TRIM67: variants seen among roughly 807,000 people sequenced by gnomAD.
TRIM67 encodes the protein tripartite motif containing 67.
TRIM67 carries 39 observed loss-of-function variants against 71.0 expected under a neutral mutation model. That is an observed-to-expected ratio of 0.55 (90% confidence interval 0.43 to 0.72). The LOEUF is 0.72. Among genes scored for constraint, TRIM67 ranks in the 30% least tolerant of loss-of-function variants. The probability of loss-of-function intolerance (pLI) is 0.00; values close to 1 mark genes in which losing one functional copy is unlikely to be tolerated. For synonymous variants in TRIM67, 481 were observed against 473.9 expected, an observed-to-expected ratio of 1.01 and a Z score of -0.19; for missense variants, 973 against 1,079.2, an observed-to-expected ratio of 0.90 and a Z score of 1.38.
chr1:231,163,814 AGAGCCC>A lies in TRIM67; in HGVS notation c.847_852del (p.Ser283_Pro284del), dbSNP rs1682369535. 1 of 1,501,486 alleles carries A rather than the reference AGAGCCC, an allele frequency of 6.7e-7. No homozygotes were observed. Among genetic ancestry groups the A allele is most frequent in the Non-Finnish European group, 8.9e-7 (1 of 1,121,688 alleles). The allele number at this position is 1,501,486 out of a possible 1,614,324, so 93.0% of individuals were successfully genotyped here. ...GCCCCCAGCGGAGGCGGCGGCTGCAAGAGCCCGGGAGGCGCGGGGGCGGGGGCGACT... is the reference window on the plus strand; with the variant it reads ...GCCCCCAGCGGAGGCGGCGGCTGCAAGGGAGGCGCGGGGGCGGGGGCGACT... On this transcript the variant is annotated inframe_deletion, in exon 1 of 10. Coordinates refer to ENST00000366653, the MANE Select transcript of TRIM67 (RefSeq NM_001004342.5).
rs112977840 is a variant in TRIM67 at position 231,197,182 on chromosome 1, C to T, written c.1045-189C>T. Among the ~76,000 whole-genome samples the T allele has an allele frequency of 1.7e-3, 260 of 152,314 alleles. 1 individual carries two copies. The highest frequency in any genetic ancestry group is 6.0e-3 in the African/African-American group (249 of 41,572). ...AGAAAGGAGAGTGCAGGCCAATCTA[C>T]CACTGTTGGAAAAATAAACAAATGT... On this transcript the variant is annotated intron_variant, in intron 1 of 9. Coordinates refer to ENST00000366653, the MANE Select transcript of TRIM67 (RefSeq NM_001004342.5).
intron 1 of TRIM67, among the ~76,000 whole-genome samples, chr1:231,180,693 G>T (rs1212331055): frequency 6.6e-6 from 1 of 152,184 alleles, no homozygotes; most frequent in African/African-American, 2.4e-5. Flanking sequence ...CCACAACTTA[G>T]AGGTAGGCAA....
chr1:231,202,070 G>GGAGGAGGAGGAGGTGGAA, intron 5 of TRIM67, among the ~76,000 whole-genome samples: 11 of 66,044 alleles, frequency 1.7e-4, no homozygotes, highest in South Asian at 9.0e-4. Context: ...AGGAGATGGA[G>GGAGGAGGAGGAGGTGGAA]GAGGAGGAGG....
At chr1:231,208,887 T>G in intron 7 of TRIM67, 60 bp from the exon 8 acceptor site, 1 of 1,493,990 alleles carries the variant, frequency 6.7e-7, no homozygotes, top group Non-Finnish European at 9.0e-7. Context: ...CTGAGCCGGT[T>G]AGAAACTACT....
chr1:231,207,204 C>T (rs1466096239), intron 7 of TRIM67, among the ~76,000 whole-genome samples: 1 of 152,238 alleles, frequency 6.6e-6, no homozygotes, highest in Non-Finnish European at 1.5e-5. Flanking sequence ...GGAGGCTAAA[C>T]TTCTCCCACT....
rs1390169940 is a variant in TRIM67 at position 231,164,087 on chromosome 1, T to C, written c.1044+74T>C. The C allele has an allele frequency of 3.7e-6, 5 of 1,357,414 alleles. No homozygotes were observed. In the African/African-American group the frequency reaches 7.5e-5, roughly 20 times the overall value. 84.1% of individuals were successfully genotyped at this position (1,357,414 alleles called of 1,614,324 possible). On this transcript the variant is annotated intron_variant, in intron 1 of 9. Coordinates refer to ENST00000366653, the MANE Select transcript of TRIM67 (RefSeq NM_001004342.5). ...GGAGAAAGGCTTTTGGCCTCTCCCT[T>C]GGAGAGCTGACAGAAAGTCGGTCAG...
intron 1 of TRIM67, among the ~76,000 whole-genome samples, chr1:231,187,155 C>T (rs1372187226): frequency 6.6e-6 from 1 of 152,092 alleles, no homozygotes; most frequent in African/African-American, 2.4e-5. Flanking sequence ...GGGAAGACAG[C>T]GTTTAAGAAG....
intron 1 of TRIM67, among the ~76,000 whole-genome samples, chr1:231,196,070 A>G (rs1246609906): frequency 6.6e-6 from 1 of 152,202 alleles, no homozygotes; most frequent in Non-Finnish European, 1.5e-5. Flanking sequence ...ATTCTAGGAC[A>G]TGGAGATGGA....
At chr1:231,197,158 G>A (rs1379250805) in intron 1 of TRIM67, among the ~76,000 whole-genome samples, 5 of 152,216 alleles carry the variant, frequency 3.3e-5, no homozygotes, top group African/African-American at 1.2e-4. Flanking sequence ...TTGGGGATGA[G>A]AAAGGAGAGT....
Position 231,216,278 on chromosome 1 carries a change from T to A in TRIM67, c.*838T>A. On this transcript the variant is annotated 3_prime_UTR_variant, in exon 10 of 10. Transcript: ENST00000366653. ...CCCTCTTTCGCTCTCTTTCCCTCCCTCCTTCTCTCTCTCTCTCACACACAC... is the reference window on the plus strand; with the variant it reads ...CCCTCTTTCGCTCTCTTTCCCTCCCACCTTCTCTCTCTCTCTCACACACAC... The A allele has an allele frequency of 1.0e-6, 1 of 982,994 alleles. No individual in the cohort carries two copies. Among genetic ancestry groups the A allele is most frequent in the Non-Finnish European group, 1.2e-6 (1 of 827,858 alleles). 60.9% of individuals were successfully genotyped at this position (982,994 alleles called of 1,614,324 possible).
rs776719215 is a variant in TRIM67 at position 231,200,261 on chromosome 1, G to A, written c.1374+3G>A. 7 of 1,594,378 alleles carry A rather than the reference G, an allele frequency of 4.4e-6. No individual in the cohort carries two copies. Among genetic ancestry groups the A allele is most frequent in the African/African-American group, 2.7e-5 (2 of 74,538 alleles). Reference sequence around the variant, plus strand: ...ACGACCCCTCCGGGTTCTTACAGGTGAGCCTGTCCCTGGAAGACACAAAGT... The same window carrying A: ...ACGACCCCTCCGGGTTCTTACAGGTAAGCCTGTCCCTGGAAGACACAAAGT... On this transcript the variant is annotated splice_donor_region_variant and intron_variant, in intron 4 of 9. Coordinates refer to ENST00000366653, the MANE Select transcript of TRIM67 (RefSeq NM_001004342.5).
chr1:231,189,923 G>T (rs1358160227), intron 1 of TRIM67, among the ~76,000 whole-genome samples: 1 of 152,168 alleles, frequency 6.6e-6, no homozygotes, highest in Non-Finnish European at 1.5e-5. Context: ...AGCCAGAAAA[G>T]GCACAGAAGA....
chr1:231,211,971 G>A (rs111609915), intron 8 of TRIM67, among the ~76,000 whole-genome samples: 13 of 152,272 alleles, frequency 8.5e-5, no homozygotes, highest in African/African-American at 2.9e-4. Flanking sequence ...GTACCTAGGC[G>A]AGTTAAGGAA....
At chr1:231,187,154 G>A (rs1474213881) in intron 1 of TRIM67, among the ~76,000 whole-genome samples, 4 of 152,186 alleles carry the variant, frequency 2.6e-5, no homozygotes, top group Non-Finnish European at 4.4e-5. Flanking sequence ...TGGGAAGACA[G>A]CGTTTAAGAA....
In TRIM67 at chr1:231,206,807, C is replaced by T. The variant is rs775518943; in HGVS notation, c.1819+17C>T. ...CATCCGATGGTGAGCATCGGGATCT[C>T]TTAGTGGGAAGAACAGATTCATCAT... On this transcript the variant is annotated intron_variant, in intron 7 of 9. Transcript: ENST00000366653. 3.2e-6 allele frequency: 5 copies of T among 1,572,650 alleles called. No individual in the cohort carries two copies. The African/African-American group carries it at 5.5e-5, about 17-fold the overall frequency.
In TRIM67 at chr1:231,219,682, T is replaced by C; in HGVS notation, c.*4242T>C. On this transcript the variant is annotated 3_prime_UTR_variant, in exon 10 of 10. Coordinates refer to ENST00000366653, the MANE Select transcript of TRIM67 (RefSeq NM_001004342.5). ...GAAGCAACAGGAACTTCTTAATGGGTTTGTGGCCCTCAATTGGTTTTTAAA... is the reference window on the plus strand; with the variant it reads ...GAAGCAACAGGAACTTCTTAATGGGCTTGTGGCCCTCAATTGGTTTTTAAA... 2 of 1,184,448 alleles carry C rather than the reference T, an allele frequency of 1.7e-6. No individual in the cohort carries two copies. The highest frequency in any genetic ancestry group is 2.1e-6 in the Non-Finnish European group (2 of 940,878). The allele number at this position is 1,184,448 out of a possible 1,614,324, so 73.4% of individuals were successfully genotyped here. A position where few individuals can be genotyped will look rare whatever the true frequency, so the allele number is the denominator to read the frequency against.
rs3049035 is a variant in TRIM67, at chr1:231,193,503, G to GCTCTCTCTCTCTCTCTCTCTCT, written c.1045-3842_1045-3821dup. 1.6e-3 allele frequency among the ~76,000 whole-genome samples: 128 copies of GCTCTCTCTCTCTCTCTCTCTCT among 81,980 alleles called. 7 individuals carry two copies. The highest frequency in any genetic ancestry group is 1.7e-3 in the Non-Finnish European group (72 of 42,980). 53.8% of individuals were successfully genotyped at this position (81,980 alleles called of 152,430 possible). On this transcript the variant is annotated intron_variant, in intron 1 of 9. Transcript: ENST00000366653. ...AAGAGACACCTGAACTCTCTCTCAA[G>GCTCTCTCTCTCTCTCTCTCTCT]CTCTCTCTCTCTCTCTCTCTCTCTC...
chr1:231,168,192 C>T (rs570383108), intron 1 of TRIM67, among the ~76,000 whole-genome samples: 3 of 152,244 alleles, frequency 2.0e-5, no homozygotes, highest in African/African-American at 7.2e-5. Context: ...CTCAATTGAA[C>T]TCCTGGCCTC....
rs190392796 is a variant in TRIM67, at chr1:231,200,240, C to A, written c.1356C>A (p.Asp452Glu). 4 of 1,613,272 alleles carry A rather than the reference C, an allele frequency of 2.5e-6. No homozygotes were observed. The East Asian group carries it at 6.7e-5, about 27-fold the overall frequency. ...EYCLEVIKENDPSGFLQISDA... is the reference protein window; with the variant it reads ...EYCLEVIKENEPSGFLQISDA... ...GCCTGGAGGTGATCAAGGAGAACGACCCCTCCGGGTTCTTACAGGTGAGCC... is the reference window on the plus strand; with the variant it reads ...GCCTGGAGGTGATCAAGGAGAACGAACCCTCCGGGTTCTTACAGGTGAGCC... The change falls in exon 4 of 10, where the codon GAC (aspartate) becomes GAA (glutamate). Residue 452 changes from aspartate to glutamate, a missense_variant. Transcript: ENST00000366653.
Sources: allele counts gnomAD v4.1 joint callset (sites outside exome capture counted in the v4.1 genomes callset), GRCh38; gene constraint gnomAD v4.1.1; transcripts MANE v1.5; gene names NCBI Gene and HGNC (gene_info 2026-07-23, HGNC 2026-07-21).